PLXNC1: variants seen among roughly 807,000 people sequenced by gnomAD.
The protein encoded by PLXNC1 is plexin C1.
PLXNC1 carries 75 observed loss-of-function variants against 178.2 expected under a neutral mutation model. The ratio of observed to expected loss-of-function variants is 0.42; its 90% CI spans 0.35 to 0.51. PLXNC1 has a LOEUF of 0.51. PLXNC1 is among the 20% of genes least tolerant of loss of function. PLXNC1 has a pLI of 0.02. For synonymous variants in PLXNC1, 790 were observed against 779.9 expected, an observed-to-expected ratio of 1.01 and a Z score of -0.22; for missense variants, 1,503 against 1,984.4, an observed-to-expected ratio of 0.76 and a Z score of 4.61.
chr12:94,248,175 G>T, intron 13 of PLXNC1, 52 bp from the exon 14 acceptor site: 5 of 1,592,592 alleles, frequency 3.1e-6, no homozygotes, highest in Non-Finnish European at 3.4e-6. Flanking sequence ...GTTTATGCTC[G>T]TGAGTTTCTA....
intron 3 of PLXNC1, among the ~76,000 whole-genome samples, 165 bp downstream of exon 3, chr12:94,181,745 C>G (rs1962314850): frequency 6.6e-6 from 1 of 152,118 alleles, no homozygotes; most frequent in Non-Finnish European, 1.5e-5. Context: ...AAAAACCTTA[C>G]TGACTGTCAG....
intron 2 of PLXNC1, chr12:94,176,369 A>C (rs1204497361): frequency 6.6e-6 from 1 of 152,200 alleles, no homozygotes; most frequent in Non-Finnish European, 1.5e-5. Context: ...GAGAGATGAT[A>C]TGAACACTGA....
intron 1 of PLXNC1, among the ~76,000 whole-genome samples, chr12:94,153,103 T>C (rs1365821846): frequency 6.6e-6 from 1 of 152,268 alleles, no homozygotes; most frequent in African/African-American, 2.4e-5. Context: ...GCATCAAGTC[T>C]GAGGTTGATT....
intron 4 of PLXNC1, among the ~76,000 whole-genome samples, chr12:94,205,712 A>C (rs191031981): frequency 1.8e-4 from 28 of 152,246 alleles, no homozygotes; most frequent in Admixed American, 1.8e-3. Flanking sequence ...TTCTCCCCCA[A>C]ATCCTTGCTA....
At chr12:94,212,273 CAAAAAAAAAAA>C (rs146191533) in intron 5 of PLXNC1, among the ~76,000 whole-genome samples, 2 of 89,154 alleles carry the variant, frequency 2.2e-5, no homozygotes, top group South Asian at 4.2e-4. Context: ...GACTCCGTCT[CAAAAAAAAAAA>C]AAAAAAAAAA....
intron 7 of PLXNC1, among the ~76,000 whole-genome samples, chr12:94,225,556 A>C (rs546591503): frequency 2.0e-5 from 3 of 152,340 alleles, no homozygotes; most frequent in African/African-American, 7.2e-5. Context: ...GGTGTGAATT[A>C]AATAGAATTA....
intron 1 of PLXNC1, among the ~76,000 whole-genome samples, chr12:94,167,437 A>G (rs920731568): frequency 2.0e-5 from 3 of 152,214 alleles, no homozygotes; most frequent in South Asian, 2.1e-4. Context: ...ACGATGCCCT[A>G]TTCTCCGCGT....
At chr12:94,189,995 G>A (rs978326814) in intron 4 of PLXNC1, among the ~76,000 whole-genome samples, 2 of 152,034 alleles carry the variant, frequency 1.3e-5, no homozygotes, top group Non-Finnish European at 2.9e-5. Context: ...GGTTTGAGCT[G>A]ACAGCATGGG....
At chr12:94,211,306 T>G (rs1053382700) in intron 5 of PLXNC1, among the ~76,000 whole-genome samples, 7 of 152,192 alleles carry the variant, frequency 4.6e-5, no homozygotes, top group African/African-American at 1.7e-4. Context: ...TCAAAGAAGA[T>G]AAGAAGTTCG....
intron 2 of PLXNC1, among the ~76,000 whole-genome samples, chr12:94,177,159 A>ACG (rs1555195616): frequency 0.011 from 390 of 37,026 alleles, 4 homozygotes; most frequent in Non-Finnish European, 0.013. Flanking sequence ...GTATATATAT[A>ACG]TGTATATATA....
At chr12:94,265,302 A>G in intron 21 of PLXNC1, 77 bp downstream of exon 21, 1 of 1,335,832 alleles carries the variant, frequency 7.5e-7, no homozygotes, top group Non-Finnish European at 1.0e-6. Context: ...TGGGTCATTT[A>G]CAATGAAACG....
At chr12:94,295,845 C>T (rs1967869396) in intron 24 of PLXNC1, among the ~76,000 whole-genome samples, 1 of 152,204 alleles carries the variant, frequency 6.6e-6, no homozygotes, top group Non-Finnish European at 1.5e-5. Flanking sequence ...TCTGCCTTCT[C>T]TCCTCAAAGC....
intron 23 of PLXNC1, among the ~76,000 whole-genome samples, chr12:94,286,908 C>A (rs1173826476): frequency 1.3e-5 from 2 of 152,142 alleles, no homozygotes; most frequent in Non-Finnish European, 2.9e-5. Flanking sequence ...GATTTGAGGG[C>A]ATGACAAAAA....
chr12:94,254,458 G>A (rs1964784956), intron 15 of PLXNC1: 1 of 492,322 alleles, frequency 2.0e-6, no homozygotes, highest in African/African-American at 1.9e-5. Context: ...GAAGAAACTT[G>A]GCTTGTTTCA....
At chr12:94,218,046 T>C (rs923596161) in intron 5 of PLXNC1, among the ~76,000 whole-genome samples, 2 of 152,246 alleles carry the variant, frequency 1.3e-5, no homozygotes, top group Admixed American at 6.5e-5. Context: ...ACTCTTGTTA[T>C]AACGTTTGAG....
intron 23 of PLXNC1, among the ~76,000 whole-genome samples, chr12:94,291,639 A>G (rs566972222): frequency 1.3e-5 from 2 of 152,350 alleles, no homozygotes; most frequent in South Asian, 4.1e-4. Flanking sequence ...TAATTTTAGA[A>G]CATTTTCATC....
Position 94,255,022 on chromosome 12 carries a change from G to A in PLXNC1, c.2983+134G>A, listed in dbSNP as rs941605097. 1.4e-5 allele frequency: 13 copies of A among 916,088 alleles called. No homozygotes were observed. The African/African-American group carries it at 2.2e-4, about 15-fold the overall frequency. 56.7% of individuals were successfully genotyped at this position (916,088 alleles called of 1,614,324 possible). ...AGAAGGCAACGGAAGGGCAGGGCCTGGGCCTGGCTTTGTGTTTTATTTCAG... is the reference window on the plus strand; with the variant it reads ...AGAAGGCAACGGAAGGGCAGGGCCTAGGCCTGGCTTTGTGTTTTATTTCAG... On this transcript the variant is annotated intron_variant, in intron 16 of 30. Transcript: ENST00000258526.
rs2136068583 is a variant in PLXNC1 at position 94,251,477 on chromosome 12, A to C, written c.2830A>C (p.Thr944Pro). 1 of 1,613,724 alleles carries C rather than the reference A, an allele frequency of 6.2e-7. No homozygotes were observed. The highest frequency in any genetic ancestry group is 2.2e-5 in the East Asian group (1 of 44,866). ...CGTCGAGCAGGAGTCAGTTCCTTCCACATGGTATTTTCTGATTGTGCTCCC... is the reference window on the plus strand; with the variant it reads ...CGTCGAGCAGGAGTCAGTTCCTTCCCCATGGTATTTTCTGATTGTGCTCCC... ...LYVEQESVPS[T>P]WYFLIVLPVL... Residue 944 changes from threonine (T) to proline (P), a missense_variant, in exon 15 of 31, where the codon ACA becomes CCA. Physicochemically the swap from Thr to Pro is conservative, Grantham distance 38. Transcript: ENST00000258526.
chr12:94,241,311 A>C (rs1964382776), intron 11 of PLXNC1, among the ~76,000 whole-genome samples: 1 of 152,200 alleles, frequency 6.6e-6, no homozygotes, highest in African/African-American at 2.4e-5. Context: ...AAATCAGGGT[A>C]ATTGGAGTAT....
Sources: gnomAD v4.1 joint callset for allele counts (sites outside exome capture counted in the v4.1 genomes callset) on GRCh38, gnomAD v4.1.1 for gene constraint, MANE v1.5 for transcripts, NCBI Gene and HGNC (gene_info 2026-07-23, HGNC 2026-07-21) for gene names.